The following TMEM200A variants were observed in gnomAD, a reference collection of about 807,000 sequenced individuals.
TMEM200A encodes two transmembrane C.
TMEM200A carries 12 observed loss-of-function variants against 24.3 expected under a neutral mutation model. That is an observed-to-expected ratio of 0.49 (90% CI 0.32 to 0.80). TMEM200A has a LOEUF of 0.80. TMEM200A is among the 30% of genes least tolerant of loss of function. The pLI is 0.04. For synonymous variants in TMEM200A, 224 were observed against 224.4 expected, an observed-to-expected ratio of 1.00 and a Z score of 0.02; for missense variants, 545 against 614.4, an observed-to-expected ratio of 0.89 and a Z score of 1.19.
intron 1 of TMEM200A, among the ~76,000 whole-genome samples, chr6:130,374,231 T>C (rs1394309205): frequency 6.6e-6 from 1 of 152,116 alleles, no homozygotes; most frequent in African/African-American, 2.4e-5. Flanking sequence ...CTCTGTAGCC[T>C]TGGATATTAG....
chr6:130,398,664 A>G (rs1412120264), intron 2 of TMEM200A, among the ~76,000 whole-genome samples: 1 of 151,994 alleles, frequency 6.6e-6, no homozygotes, highest in Non-Finnish European at 1.5e-5. Flanking sequence ...AAGACTTTTT[A>G]GTAATGGCCA....
chr6:130,411,928 G>C (rs1289689806), intron 2 of TMEM200A, among the ~76,000 whole-genome samples: 2 of 152,102 alleles, frequency 1.3e-5, no homozygotes, highest in African/African-American at 2.4e-5. Flanking sequence ...CCTTATTAAA[G>C]TATCAATGTA....
rs149567291 is a variant in TMEM200A at position 130,372,387 on chromosome 6, C to T, written c.-81+5863C>T. On this transcript the variant is annotated intron_variant, in intron 1 of 2. Transcript: ENST00000296978. ...AGGTTTTTTCCCCTCAGTACAGGATCTCTATCATTATGCAGGGTAGATACG... is the reference window on the plus strand; with the variant it reads ...AGGTTTTTTCCCCTCAGTACAGGATTTCTATCATTATGCAGGGTAGATACG... Among the ~76,000 whole-genome samples the T allele has an allele frequency of 1.3e-3, 192 of 152,218 alleles. 2 individuals carry two copies. Among genetic ancestry groups the T allele is most frequent in the African/African-American group, 4.4e-3 (182 of 41,530 alleles).
At chr6:130,395,245 G>T (rs1029985422) in intron 2 of TMEM200A, among the ~76,000 whole-genome samples, 1 of 152,148 alleles carries the variant, frequency 6.6e-6, no homozygotes, top group Non-Finnish European at 1.5e-5. Flanking sequence ...AATTCTTCTA[G>T]CTAGATTGAG....
intron 2 of TMEM200A, chr6:130,438,986 T>A (rs1231176810): frequency 1.3e-5 from 2 of 149,432 alleles, no homozygotes; most frequent in African/African-American, 4.9e-5. Flanking sequence ...GAAACATTGT[T>A]AACAAAATCT....
At chr6:130,382,876 G>T in intron 1 of TMEM200A, 1 of 217,908 alleles carries the variant, frequency 4.6e-6, no homozygotes. Context: ...GGGAAGGGGC[G>T]AGCTAGTGGC....
At chr6:130,369,487 G>T (rs1215405295) in intron 1 of TMEM200A, among the ~76,000 whole-genome samples, 2 of 152,256 alleles carry the variant, frequency 1.3e-5, no homozygotes, top group East Asian at 1.9e-4. Context: ...CCAATTACGA[G>T]CTCAAGACTT....
intron 1 of TMEM200A, among the ~76,000 whole-genome samples, chr6:130,374,395 T>A (rs1778395059): frequency 1.9e-5 from 1 of 51,608 alleles, no homozygotes; most frequent in Non-Finnish European, 3.0e-5. Context: ...AATGCCTGAG[T>A]TTTTGTTTTT....
intron 1 of TMEM200A, among the ~76,000 whole-genome samples, chr6:130,384,027 C>T (rs751767194): frequency 2.6e-5 from 4 of 151,860 alleles, no homozygotes; most frequent in African/African-American, 7.3e-5. Flanking sequence ...GGCTGAGGCA[C>T]GAGAATCGCC....
At position 130,436,432 on chromosome 6, in the gene TMEM200A, A is replaced by T. The variant is rs190818584; in HGVS notation, c.-16-3975A>T. Among the ~76,000 whole-genome samples, 288 of 151,586 alleles carry T rather than the reference A, an allele frequency of 1.9e-3. 1 individual carries two copies. Among genetic ancestry groups the T allele is most frequent in the African/African-American group, 6.3e-3 (260 of 41,318 alleles). On this transcript the variant is annotated intron_variant, in intron 2 of 2. Coordinates refer to ENST00000296978, the MANE Select transcript of TMEM200A (RefSeq NM_001258277.2). ...GAAAAACATGCAAAACAAAACAAAA[A>T]AAAACAGTCATAAAAGTGTAGGATG...
chr6:130,418,841 T>C (rs1424358039), intron 2 of TMEM200A, among the ~76,000 whole-genome samples: 4 of 152,178 alleles, frequency 2.6e-5, no homozygotes, highest in Non-Finnish European at 5.9e-5. Flanking sequence ...TTGTTATGCA[T>C]AGAATGTGTA....
Position 130,441,377 on chromosome 6 carries a change from T to A in TMEM200A, c.955T>A (p.Ser319Thr), listed in dbSNP as rs150047452. 129 of 1,614,102 alleles carry A rather than the reference T, an allele frequency of 8.0e-5. 1 individual carries two copies. In the Admixed American group the frequency reaches 1.4e-3, roughly 17 times the overall value. ...AGATGCTGACAACCTCAAAAGTAGGTCAAGGAATTTGTCAATGGATTCCCT... is the reference window on the plus strand; with the variant it reads ...AGATGCTGACAACCTCAAAAGTAGGACAAGGAATTTGTCAATGGATTCCCT... Reference protein sequence around the residue: ...TEDADNLKSRSRNLSMDSLVV... With the variant: ...TEDADNLKSRTRNLSMDSLVV... The change falls in exon 3 of 3, where the codon TCA (serine) becomes ACA (threonine). Residue 319 changes from serine to threonine, a missense_variant. By Grantham distance (58) the Ser-to-Thr change is moderately conservative (BLOSUM62 1). Transcript: ENST00000296978.
intron 2 of TMEM200A, among the ~76,000 whole-genome samples, chr6:130,401,969 C>T (rs1779099580): frequency 6.6e-6 from 1 of 151,606 alleles, no homozygotes; most frequent in African/African-American, 2.4e-5. Flanking sequence ...GTACCTTTGT[C>T]TGACATGCAG....
At chr6:130,372,883 A>G (rs1015345394) in intron 1 of TMEM200A, among the ~76,000 whole-genome samples, 4 of 152,234 alleles carry the variant, frequency 2.6e-5, no homozygotes, top group South Asian at 2.1e-4. Context: ...AAACTTTTAG[A>G]ACAACTCAAT....
chr6:130,413,010 A>G (rs1362757398), intron 2 of TMEM200A, among the ~76,000 whole-genome samples: 1 of 152,232 alleles, frequency 6.6e-6, no homozygotes, highest in African/African-American at 2.4e-5. Context: ...TGTACAATAA[A>G]TTACTTAGGA....
At chr6:130,394,452 A>C (rs941540876) in intron 2 of TMEM200A, among the ~76,000 whole-genome samples, 4 of 151,990 alleles carry the variant, frequency 2.6e-5, no homozygotes, top group Non-Finnish European at 4.4e-5. Flanking sequence ...TTCTCTCCCC[A>C]CGCTGCTTCT....
At chr6:130,435,172 A>G (rs895417377) in intron 2 of TMEM200A, among the ~76,000 whole-genome samples, 1 of 152,010 alleles carries the variant, frequency 6.6e-6, no homozygotes, top group Admixed American at 6.6e-5. Context: ...AAATTAAGAG[A>G]CAAGGTCTTA....
chr6:130,425,821 C>T (rs931982483), intron 2 of TMEM200A, among the ~76,000 whole-genome samples: 1 of 152,072 alleles, frequency 6.6e-6, no homozygotes, highest in Non-Finnish European at 1.5e-5. Flanking sequence ...CATTAATCTC[C>T]AAAAGACTAC....
intron 1 of TMEM200A, among the ~76,000 whole-genome samples, chr6:130,378,659 G>GT (rs1317057266): frequency 6.8e-6 from 1 of 146,282 alleles, no homozygotes; most frequent in African/African-American, 2.5e-5. Context: ...AGAGGTGGAT[G>GT]TTGCAGTGAG....
Sources: allele counts gnomAD v4.1 joint callset (sites outside exome capture counted in the v4.1 genomes callset), GRCh38; gene constraint gnomAD v4.1.1; transcripts MANE v1.5; gene names NCBI Gene and HGNC (gene_info 2026-07-23, HGNC 2026-07-21).